The following HS6ST3 variants were observed in gnomAD, a reference collection of about 807,000 sequenced individuals.
HS6ST3 encodes heparan-sulfate 6-O-sulfotransferase 3.
Under a neutral mutation model 36.7 loss-of-function variants are expected in HS6ST3, and 12 were observed. The observed-to-expected ratio is 0.33, with a 90% CI of 0.21 to 0.53. HS6ST3 has a LOEUF of 0.53. Ranked by LOEUF, HS6ST3 falls within the 20% of genes least tolerant of loss-of-function variation. The pLI is 0.95. For missense variants in HS6ST3, 584 were observed against 640.9 expected (o/e 0.91, Z 0.96); for synonymous variants, 240 against 257.5 (o/e 0.93, Z 0.65).
At chr13:96,731,602 A>G (rs373189128) in intron 1 of HS6ST3, among the ~76,000 whole-genome samples, 1 of 152,108 alleles carries the variant, frequency 6.6e-6, no homozygotes, top group Non-Finnish European at 1.5e-5. Flanking sequence ...CTTTGTAAAT[A>G]TATATGCCCA....
chr13:96,578,785 C>T (rs1398750215), intron 1 of HS6ST3, among the ~76,000 whole-genome samples: 1 of 152,064 alleles, frequency 6.6e-6, no homozygotes, highest in Non-Finnish European at 1.5e-5. Flanking sequence ...GTCTTGAATT[C>T]CTGACCTCAA....
chr13:96,430,498 C>G (rs9556589), intron 1 of HS6ST3, among the ~76,000 whole-genome samples: 1 of 152,204 alleles, frequency 6.6e-6, no homozygotes, highest in South Asian at 2.1e-4. Flanking sequence ...CTCGAGCTCT[C>G]CTGGGGTGAG....
Position 96,832,638 on chromosome 13 carries a change from C to T in HS6ST3, c.856C>T (p.Pro286Ser), listed in dbSNP as rs149905583. ...CCCAGATGAGCTGCCTACCTGCTACCCTGGGGATGACTGGTCTGGGGTCAG... is the reference window on the plus strand; with the variant it reads ...CCCAGATGAGCTGCCTACCTGCTACTCTGGGGATGACTGGTCTGGGGTCAG... ...PTPDELPTCY[P>S]GDDWSGVSLR... is the part of the protein sequence containing the mutation. The change falls in exon 2 of 2, where the codon CCT (proline) becomes TCT (serine). Residue 286 changes from proline (P) to serine (S), a missense_variant. Pro to Ser is a moderately conservative substitution (Grantham distance 74). Coordinates refer to ENST00000376705, the MANE Select transcript of HS6ST3 (RefSeq NM_153456.4). 8.7e-6 allele frequency: 14 copies of T among 1,614,010 alleles called. No homozygotes were observed. The highest frequency in any genetic ancestry group is 1.6e-4 in the Middle Eastern group (1 of 6,084).
chr13:96,236,843 C>G (rs1323268427), intron 1 of HS6ST3, among the ~76,000 whole-genome samples: 2 of 152,182 alleles, frequency 1.3e-5, no homozygotes, highest in Non-Finnish European at 2.9e-5. Flanking sequence ...CCTCTTCTTC[C>G]CACTTCTCTG....
At position 96,090,590 on chromosome 13, in the gene HS6ST3, G is replaced by A. The variant is rs1045203516; in HGVS notation, c.-273G>A. Among the ~76,000 whole-genome samples, 1 of 145,910 alleles carries A rather than the reference G, an allele frequency of 6.9e-6. No individual in the cohort carries two copies. Among genetic ancestry groups the A allele is most frequent in the Non-Finnish European group, 1.5e-5 (1 of 65,712 alleles). ...CCGGGGCGGGAGCAGGGAGCGGGCC[G>A]GCCCGGGCGCACCCGGGAGCGCAGG... On this transcript the variant is annotated 5_prime_UTR_variant, in exon 1 of 2. Coordinates refer to ENST00000376705, the MANE Select transcript of HS6ST3 (RefSeq NM_153456.4).
chr13:96,586,231 T>C (rs1422035695), intron 1 of HS6ST3, among the ~76,000 whole-genome samples: 2 of 152,294 alleles, frequency 1.3e-5, no homozygotes, highest in Admixed American at 1.3e-4. Flanking sequence ...TATCTTATTA[T>C]GGCTTTGATT....
intron 1 of HS6ST3, among the ~76,000 whole-genome samples, chr13:96,717,938 G>A (rs554140870): frequency 2.6e-5 from 4 of 152,022 alleles, no homozygotes; most frequent in Admixed American, 1.3e-4. Context: ...AGATTTTCGC[G>A]CACTGAGGAC....
intron 1 of HS6ST3, among the ~76,000 whole-genome samples, chr13:96,586,559 G>T (rs754605462): frequency 1.3e-5 from 2 of 151,700 alleles, no homozygotes; most frequent in Non-Finnish European, 3.0e-5. Flanking sequence ...GCCTCCCAAA[G>T]TGCTATGATT....
intron 1 of HS6ST3, among the ~76,000 whole-genome samples, chr13:96,229,169 A>G (rs1203235597): frequency 6.6e-6 from 1 of 152,200 alleles, no homozygotes; most frequent in East Asian, 1.9e-4. Flanking sequence ...TTTATGCTGA[A>G]AAACCCAGGA....
intron 1 of HS6ST3, among the ~76,000 whole-genome samples, chr13:96,623,815 G>A (rs1359806239): frequency 6.6e-6 from 1 of 152,136 alleles, no homozygotes; most frequent in Non-Finnish European, 1.5e-5. Flanking sequence ...TGCCAAGAAA[G>A]CAGGGCTAAT....
intron 1 of HS6ST3, among the ~76,000 whole-genome samples, chr13:96,262,879 G>C (rs1248232844): frequency 6.6e-6 from 1 of 152,030 alleles, no homozygotes; most frequent in Non-Finnish European, 1.5e-5. Context: ...TTAAGTATGA[G>C]TACTTAACTG....
rs375347017 is a variant in HS6ST3, at chr13:96,359,746, A to G, written c.707+268177A>G. ...AGTTATTCATACCATTGTTCTGAAC[A>G]TACTGCAGGCACTGAAAAACTTCAG... On this transcript the variant is annotated intron_variant, in intron 1 of 1. Transcript: ENST00000376705. Among the ~76,000 whole-genome samples, 15 of 152,320 alleles carry G rather than the reference A, an allele frequency of 9.8e-5. No individual in the cohort carries two copies. In the East Asian group the frequency reaches 1.5e-3, roughly 16 times the overall value.
chr13:96,540,079 A>G (rs1395518032), intron 1 of HS6ST3, among the ~76,000 whole-genome samples: 2 of 152,176 alleles, frequency 1.3e-5, no homozygotes, highest in African/African-American at 4.8e-5. Context: ...TCTACAGATA[A>G]CTCTTTCATA....
chr13:96,685,851 C>G (rs183504108), intron 1 of HS6ST3, among the ~76,000 whole-genome samples: 64 of 152,108 alleles, frequency 4.2e-4, no homozygotes, highest in Admixed American at 1.4e-3. Flanking sequence ...GCCCGGCATG[C>G]CACTTTCATT....
At chr13:96,773,396 C>T (rs893329149) in intron 1 of HS6ST3, among the ~76,000 whole-genome samples, 5 of 151,282 alleles carry the variant, frequency 3.3e-5, no homozygotes, top group African/African-American at 1.2e-4. Flanking sequence ...ATGGAGCCCC[C>T]TATGGAGCCC....
chr13:96,732,342 A>AT (rs1481843191), intron 1 of HS6ST3, among the ~76,000 whole-genome samples: 3 of 151,952 alleles, frequency 2.0e-5, no homozygotes, highest in African/African-American at 7.3e-5. Flanking sequence ...TTTTGAGTTG[A>AT]TTTTTGTATA....
At chr13:96,818,414 T>G (rs756875676) in intron 1 of HS6ST3, among the ~76,000 whole-genome samples, 1 of 152,190 alleles carries the variant, frequency 6.6e-6, no homozygotes, top group African/African-American at 2.4e-5. Context: ...ATTTCCAGCA[T>G]AATTTGGTTT....
chr13:96,715,328 TG>T (rs1875668870), intron 1 of HS6ST3, among the ~76,000 whole-genome samples: 1 of 151,972 alleles, frequency 6.6e-6, no homozygotes, highest in South Asian at 2.1e-4. Flanking sequence ...CTGGGAAAGG[TG>T]GGTAGATGAT....
intron 1 of HS6ST3, among the ~76,000 whole-genome samples, chr13:96,725,057 G>C (rs767230790): frequency 5.9e-5 from 9 of 152,086 alleles, no homozygotes; most frequent in Non-Finnish European, 1.0e-4. Flanking sequence ...CTTAGTATAG[G>C]GGATGTGAAC....
Sources: gnomAD v4.1 joint callset for allele counts (sites outside exome capture counted in the v4.1 genomes callset) on GRCh38, gnomAD v4.1.1 for gene constraint, MANE v1.5 for transcripts, NCBI Gene and HGNC (gene_info 2026-07-23, HGNC 2026-07-21) for gene names.